CD68: variants seen among roughly 807,000 people sequenced by gnomAD.
CD68 encodes the protein macrosialin.
CD68 carries 24 observed loss-of-function variants against 31.3 expected under a neutral mutation model. The observed-to-expected ratio is 0.77, with a 90% CI of 0.55 to 1.08. The LOEUF (loss-of-function observed/expected upper bound fraction) is 1.08. Among genes scored for constraint, CD68 ranks in the 50% least tolerant of loss-of-function variants. The pLI, the probability that CD68 is intolerant of heterozygous loss-of-function variation, is 0.00. For missense variants in CD68, 461 were observed against 442.5 expected, an observed-to-expected ratio of 1.04 and a Z score of -0.38; for synonymous variants, 190 against 179.6, an observed-to-expected ratio of 1.06 and a Z score of -0.46.
chr17:7,581,604 G>A lies in CD68; in HGVS notation c.*93G>A. On this transcript the variant is annotated 3_prime_UTR_variant, in exon 6 of 6. Transcript: ENST00000250092. ...GACACGCAACTGGCTCAAAGACAAT[G>A]TTATTTTCCTTCCCTTTCTTGAAGA... is the stretch of plus-strand genomic sequence containing the variant. 7.5e-7 allele frequency: 1 copy of A among 1,333,152 alleles called. No homozygotes were observed. Among genetic ancestry groups the A allele is most frequent in the Non-Finnish European group, 1.1e-6 (1 of 944,022 alleles). The allele number at this position is 1,333,152 out of a possible 1,614,324, so 82.6% of individuals were successfully genotyped here.
Position 7,580,336 on chromosome 17 carries a change from A to C in CD68, c.567+9A>C. 6.2e-7 allele frequency: 1 copy of C among 1,609,768 alleles called. No homozygotes were observed. The highest frequency in any genetic ancestry group is 8.5e-7 in the Non-Finnish European group (1 of 1,176,808). On this transcript the variant is annotated intron_variant, in intron 2 of 5. Transcript: ENST00000250092. This position sits in a 1 kb window ranked among gnomAD's most constrained non-coding sequence, Gnocchi z 4.3. ...CCCAGGGTGGAGGAGAGGTAAAGCT[A>C]AAACTGGGGGATGAGAGGGGAGGGA... is the stretch of plus-strand genomic sequence containing the variant.
Position 7,580,039 on chromosome 17 carries a change from A to G in CD68, c.279A>G (p.Pro93=). The change falls in exon 2 of 6, where the codon CCA becomes CCG. Residue 93 remains proline (P), a synonymous_variant. Coordinates refer to ENST00000250092, the MANE Select transcript of CD68 (RefSeq NM_001251.3). This position sits in a 1 kb window ranked among gnomAD's most constrained non-coding sequence, Gnocchi z 4.3. ...TTSHGNVTVH[P]TSNSTATSQG... ...GCCATGGAAACGTCACAGTTCATCC[A>G]ACAAGCAATAGCACTGCCACCAGCC... 1.2e-6 allele frequency: 2 copies of G among 1,613,830 alleles called. No individual in the cohort carries two copies. The highest frequency in any genetic ancestry group is 1.7e-6 in the Non-Finnish European group (2 of 1,179,924).
At position 7,580,766 on chromosome 17, in the gene CD68, C is replaced by T. The variant is rs1477267837; in HGVS notation, c.743C>T (p.Ser248Phe). Residue 248 changes from serine to phenylalanine, a missense_variant, in exon 4 of 6, where the codon TCC becomes TTC. Ser to Phe is a radical substitution (Grantham distance 155). Coordinates refer to ENST00000250092, the MANE Select transcript of CD68 (RefSeq NM_001251.3). This position sits in a 1 kb window ranked among gnomAD's most constrained non-coding sequence, Gnocchi z 4.3. ...LSYMAVEYNV[S>F]FPHAAQWTFS... is the part of the protein sequence containing the mutation. ...TACATGGCGGTGGAGTACAATGTGT[C>T]CTTCCCCCACGCAGCACGTAAGTAA... The T allele has an allele frequency of 1.2e-6, 2 of 1,614,060 alleles. No homozygotes were observed. The highest frequency in any genetic ancestry group is 1.7e-6 in the Non-Finnish European group (2 of 1,179,994).
In CD68 at chr17:7,580,748, CGGT is replaced by C; in HGVS notation, c.728_730del (p.Val243del). ...AAGGTTGTCTACCTGAGCTACATGG[CGGT>C]GGAGTACAATGTGTCCTTCCCCCAC... On this transcript the variant is annotated inframe_deletion, in exon 4 of 6. Coordinates refer to ENST00000250092, the MANE Select transcript of CD68 (RefSeq NM_001251.3). The surrounding 1 kb of genome is among the most constrained non-coding windows in gnomAD (Gnocchi z 4.3). 6.2e-7 allele frequency: 1 copy of C among 1,614,100 alleles called. No homozygotes were observed. The highest frequency in any genetic ancestry group is 8.5e-7 in the Non-Finnish European group (1 of 1,180,010).
In CD68 at chr17:7,580,617, T is replaced by A. The variant is rs894898415; in HGVS notation, c.687+32T>A. ...CCATGACCTCAGTCTCACCCCTCAC[T>A]CAGCCTCCCGGCGCCCCTCCCCTCC... On this transcript the variant is annotated intron_variant, in intron 3 of 5. Coordinates refer to ENST00000250092, the MANE Select transcript of CD68 (RefSeq NM_001251.3). The surrounding 1 kb of genome is among the most constrained non-coding windows in gnomAD (Gnocchi z 4.3). 3 of 1,613,524 alleles carry A rather than the reference T, an allele frequency of 1.9e-6. No homozygotes were observed. In the African/African-American group the frequency reaches 4.0e-5, roughly 22 times the overall value.
rs748625021 is a variant in CD68, at chr17:7,580,686, C to T, written c.688-25C>T. ...CTTCCTCTGTGGAGAGGGATACCAC[C>T]TGCGCCTTCCTCTTCGCCCCACAGG... On this transcript the variant is annotated intron_variant, in intron 3 of 5. Coordinates refer to ENST00000250092, the MANE Select transcript of CD68 (RefSeq NM_001251.3). This position sits in a 1 kb window ranked among gnomAD's most constrained non-coding sequence, Gnocchi z 4.3. 1 of 1,613,990 alleles carries T rather than the reference C, an allele frequency of 6.2e-7. No individual in the cohort carries two copies. The highest frequency in any genetic ancestry group is 1.7e-5 in the Admixed American group (1 of 60,014).
chr17:7,581,272 C>T, intron 5 of CD68, 106 bp from the exon 6 acceptor site: 1 of 1,376,850 alleles, frequency 7.3e-7, no homozygotes, highest in Non-Finnish European at 1.0e-6. Flanking sequence ...CTGCGGTGAG[C>T]TCCTCACCAA....
rs145396506 is a variant in CD68 at position 7,580,296 on chromosome 17, G to A, written c.536G>A (p.Arg179Gln). 3.0e-4 allele frequency: 487 copies of A among 1,613,910 alleles called. No individual in the cohort carries two copies. The highest frequency in any genetic ancestry group is 7.8e-4 in the Admixed American group (47 of 59,998). Residue 179 changes from arginine to glutamine, a missense_variant, in exon 2 of 6, where the codon CGA becomes CAA. By Grantham distance (43) the Arg-to-Gln change is conservative. Coordinates refer to ENST00000250092, the MANE Select transcript of CD68 (RefSeq NM_001251.3). The surrounding 1 kb of genome is among the most constrained non-coding windows in gnomAD (Gnocchi z 4.3). ...CACCTCCAAGCCCAGATTCAGATTC[G>A]AGTCATGTACACAACCCAGGGTGGA... ...CVHLQAQIQI[R>Q]VMYTTQGGGE...
At position 7,581,927 on chromosome 17, in the gene CD68, G is replaced by A. The variant is rs958990952; in HGVS notation, c.*416G>A. The A allele has an allele frequency of 1.7e-5, 3 of 179,534 alleles. No individual in the cohort carries two copies. Among genetic ancestry groups the A allele is most frequent in the Admixed American group, 5.8e-5 (1 of 17,252 alleles). 11.1% of individuals were successfully genotyped at this position (179,534 alleles called of 1,614,324 possible). A position where few individuals can be genotyped will look rare whatever the true frequency, so the allele number is the denominator to read the frequency against. ...CCACTGCACTCCAGCCTGGGCGACA[G>A]AGCCAGACTGTCTCAAATAAATAAA... is the stretch of plus-strand genomic sequence containing the variant. On this transcript the variant is annotated 3_prime_UTR_variant, in exon 6 of 6. Transcript: ENST00000250092.
chr17:7,580,472 G>A lies in CD68; in HGVS notation c.574G>A (p.Gly192Ser). The A allele has an allele frequency of 6.2e-7, 1 of 1,614,020 alleles. No homozygotes were observed. The highest frequency in any genetic ancestry group is 8.5e-7 in the Non-Finnish European group (1 of 1,180,004). ...CAGTCTTTAACTTCCGCAGGCCTGG[G>A]GCATCTCTGTACTGAACCCCAACAA... ...YTTQGGGEAWGISVLNPNKTK... is the reference protein window; with the variant it reads ...YTTQGGGEAWSISVLNPNKTK... The change falls in exon 3 of 6, where the codon GGC becomes AGC. Residue 192 changes from glycine (G) to serine (S), a missense_variant. Transcript: ENST00000250092. The surrounding 1 kb of genome is among the most constrained non-coding windows in gnomAD (Gnocchi z 4.3).
intron 5 of CD68, 43 bp from the exon 6 acceptor site, chr17:7,581,335 A>C (rs1389558591): frequency 6.2e-7 from 1 of 1,612,904 alleles, no homozygotes; most frequent in South Asian, 1.1e-5. Context: ...TATCCCAACC[A>C]GCACGTCACT....
chr17:7,580,600 TCA>T lies in CD68; in HGVS notation c.687+16_687+17del. The T allele has an allele frequency of 6.2e-7, 1 of 1,613,882 alleles. No individual in the cohort carries two copies. On this transcript the variant is annotated intron_variant, in intron 3 of 5. Coordinates refer to ENST00000250092, the MANE Select transcript of CD68 (RefSeq NM_001251.3). This position sits in a 1 kb window ranked among gnomAD's most constrained non-coding sequence, Gnocchi z 4.3. ...GATTCATGCAGGTATAGCCATGACC[TCA>T]GTCTCACCCCTCACTCAGCCTCCCG...
rs145691004 is a variant in CD68 at position 7,581,540 on chromosome 17, G to A, written c.*29G>A. The A allele has an allele frequency of 5.2e-4, 837 of 1,613,198 alleles. 5 individuals carry two copies. In the East Asian group the frequency reaches 0.013, roughly 25 times the overall value. On this transcript the variant is annotated 3_prime_UTR_variant, in exon 6 of 6. Transcript: ENST00000250092. ...TTTGCTTCAAACCCCAGGGCACTGA[G>A]GGGGTTGGGGTGTGGTGGGGGGGTA...
chr17:7,579,752 G>A (rs773893247), intron 1 of CD68, 26 bp downstream of exon 1: 6 of 1,602,188 alleles, frequency 3.7e-6, no homozygotes, highest in South Asian at 1.1e-5. Flanking sequence ...GCTGAGGGGA[G>A]GGGGCCCCTG....
chr17:7,581,006 G>T lies in CD68; in HGVS notation c.871G>T (p.Asp291Tyr). The change falls in exon 5 of 6, where the codon GAC becomes TAC. Residue 291 changes from aspartate to tyrosine, a missense_variant. Transcript: ENST00000250092. ...SIILSPAVHL[D>Y]LLSLRLQAAQ... ...CATTCTTTCACCAGCTGTCCACCTC[G>T]ACCTGCTCTCCCTGAGGCTCCAGGC... The T allele has an allele frequency of 6.2e-7, 1 of 1,613,914 alleles. No individual in the cohort carries two copies. Among genetic ancestry groups the T allele is most frequent in the South Asian group, 1.1e-5 (1 of 91,068 alleles).
In CD68 at chr17:7,581,812, C is replaced by T. The variant is rs917199861; in HGVS notation, c.*301C>T. Reference sequence around the variant, plus strand: ...CGTAATCCCAGCTGGCCTGTAATCCCAGCTACTTGGGAGGCTGAGGCAGAA... The same window carrying T: ...CGTAATCCCAGCTGGCCTGTAATCCTAGCTACTTGGGAGGCTGAGGCAGAA... On this transcript the variant is annotated 3_prime_UTR_variant, in exon 6 of 6. Transcript: ENST00000250092. 8.9e-6 allele frequency: 3 copies of T among 335,508 alleles called. No homozygotes were observed. The highest frequency in any genetic ancestry group is 1.7e-5 in the Non-Finnish European group (3 of 171,892). The allele number at this position is 335,508 out of a possible 1,614,324, so 20.8% of individuals were successfully genotyped here. A position where few individuals can be genotyped will look rare whatever the true frequency, so the allele number is the denominator to read the frequency against.
At position 7,579,884 on chromosome 17, in the gene CD68, G is replaced by A. The variant is rs1363612382; in HGVS notation, c.124G>A (p.Val42Ile). The stretch of plus-strand genomic sequence containing the variant: ...GCCATCCTTCACGGTGACACCCACG[G>A]TTACAGAGAGCACTGGAACAACCAG... ...LLPSFTVTPTVTESTGTTSHR... is the reference protein window; with the variant it reads ...LLPSFTVTPTITESTGTTSHR... Residue 42 changes from valine (V) to isoleucine (I), a missense_variant, in exon 2 of 6, where the codon GTT (valine) becomes ATT (isoleucine). Coordinates refer to ENST00000250092, the MANE Select transcript of CD68 (RefSeq NM_001251.3). 6.2e-7 allele frequency: 1 copy of A among 1,613,974 alleles called. No homozygotes were observed. The highest frequency in any genetic ancestry group is 8.5e-7 in the Non-Finnish European group (1 of 1,179,984).
chr17:7,581,339 CG>C, intron 5 of CD68, 38 bp from the exon 6 acceptor site: 1 of 1,613,352 alleles, frequency 6.2e-7, no homozygotes, highest in South Asian at 1.1e-5. Flanking sequence ...CCAACCAGCA[CG>C]TCACTGCAAA....
rs148674312 is a variant in CD68, at chr17:7,579,810, C to G, written c.50C>G (p.Ala17Gly). ...CTAACCATCTCCTCTCTGCCAAAAG[C>G]CCAGGGGACAGGGAATGACTGTCCT... is the stretch of plus-strand genomic sequence containing the variant. ...FSGALLGLLA[A>G]QGTGNDCPHK... Residue 17 changes from alanine (A) to glycine (G), a missense_variant and splice_region_variant, in exon 2 of 6, where the codon GCC (alanine) becomes GGC (glycine). By Grantham distance (60) the Ala-to-Gly change is moderately conservative. Coordinates refer to ENST00000250092, the MANE Select transcript of CD68 (RefSeq NM_001251.3). 1.2e-6 allele frequency: 2 copies of G among 1,612,070 alleles called. No homozygotes were observed. Among genetic ancestry groups the G allele is most frequent in the African/African-American group, 2.7e-5 (2 of 74,804 alleles).
Sources: allele counts gnomAD v4.1 joint callset, GRCh38; gene constraint gnomAD v4.1.1; non-coding constraint Gnocchi (gnomAD v3.1); transcripts MANE v1.5; gene names NCBI Gene and HGNC (gene_info 2026-07-23, HGNC 2026-07-21).